Variants in CNTNAP4 observed in about 807,000 individuals in gnomAD.
CNTNAP4 encodes contactin-associated protein-like 4.
CNTNAP4 carries 98 observed loss-of-function variants against 148.4 expected under a neutral mutation model. The observed-to-expected ratio is 0.66, with a 90% CI of 0.56 to 0.78. The LOEUF (loss-of-function observed/expected upper bound fraction) is 0.78. Ranked by LOEUF, CNTNAP4 falls within the 30% of genes least tolerant of loss-of-function variation. The probability of loss-of-function intolerance (pLI) is 0.00; values close to 1 mark genes in which losing one functional copy is unlikely to be tolerated. For missense variants in CNTNAP4, 1,935 were observed against 1,565.6 expected (o/e 1.24, Z -3.98); for synonymous variants, 730 against 565.1 (o/e 1.29, Z -4.14).
chr16:76,404,320 G>C (rs967529147), intron 3 of CNTNAP4, among the ~76,000 whole-genome samples: 2 of 150,552 alleles, frequency 1.3e-5, no homozygotes, highest in African/African-American at 4.9e-5. Context: ...AGCATATCAG[G>C]ATCACCGAGA....
intron 8 of CNTNAP4, among the ~76,000 whole-genome samples, chr16:76,460,527 C>T (rs1458721400): frequency 9.5e-5 from 14 of 147,420 alleles, no homozygotes; most frequent in East Asian, 8.3e-4. Flanking sequence ...TTTGGGAAGC[C>T]GAGGCGGGTG....
rs200265967 is a variant in CNTNAP4 at position 76,387,051 on chromosome 16, A to C, written c.390+31540A>C. On this transcript the variant is annotated intron_variant, in intron 3 of 23. Transcript: ENST00000611870. ...AAATGAATTGTCTCATAAAGCCTCC[A>C]AAAAAAGCATGCATCCTGCTGACAT... Among the ~76,000 whole-genome samples, 6 of 20,778 alleles carry C rather than the reference A, an allele frequency of 2.9e-4. No homozygotes were observed. In the East Asian group the frequency reaches 0.071, roughly 247 times the overall value. The allele number at this position is 20,778 out of a possible 152,430, so 13.6% of individuals were successfully genotyped here.
At chr16:76,459,621 A>G (rs143466664) in intron 8 of CNTNAP4, among the ~76,000 whole-genome samples, 131 of 152,380 alleles carry the variant, frequency 8.6e-4, no homozygotes, top group Non-Finnish European at 1.1e-3. Flanking sequence ...GAAATCACAT[A>G]TATCACATAT....
chr16:76,435,512 T>C (rs2079791758), intron 4 of CNTNAP4, among the ~76,000 whole-genome samples: 1 of 152,188 alleles, frequency 6.6e-6, no homozygotes, highest in Non-Finnish European at 1.5e-5. Flanking sequence ...GTGACTGTGG[T>C]TCCCACTGTT....
chr16:76,315,239 C>T (rs1961587214), intron 1 of CNTNAP4, among the ~76,000 whole-genome samples: 1 of 151,750 alleles, frequency 6.6e-6, no homozygotes, highest in East Asian at 2.0e-4. Flanking sequence ...TGCACAAATG[C>T]AAGCTCCTCT....
At chr16:76,377,166 T>C (rs1325207503) in intron 3 of CNTNAP4, among the ~76,000 whole-genome samples, 1 of 152,100 alleles carries the variant, frequency 6.6e-6, no homozygotes, top group Non-Finnish European at 1.5e-5. Flanking sequence ...TTTCATATAT[T>C]GAGACCTTCA....
At chr16:76,414,356 C>T (rs2078906036) in intron 3 of CNTNAP4, among the ~76,000 whole-genome samples, 1 of 151,370 alleles carries the variant, frequency 6.6e-6, no homozygotes, top group Non-Finnish European at 1.5e-5. Flanking sequence ...GCAATTCTTG[C>T]ATTCCTGGAA....
At chr16:76,328,890 C>G (rs758927258) in intron 2 of CNTNAP4, among the ~76,000 whole-genome samples, 2 of 152,172 alleles carry the variant, frequency 1.3e-5, no homozygotes, top group African/African-American at 2.4e-5. Context: ...GGTGATCCAC[C>G]TGCCTCAGCC....
At chr16:76,532,878 G>A (rs1597086312) in intron 17 of CNTNAP4, among the ~76,000 whole-genome samples, 2 of 151,990 alleles carry the variant, frequency 1.3e-5, no homozygotes, top group Admixed American at 6.6e-5. Context: ...TGGTAAGGAA[G>A]AAAAAGAAAA....
intron 3 of CNTNAP4, among the ~76,000 whole-genome samples, chr16:76,408,871 C>T (rs965809614): frequency 2.6e-5 from 4 of 151,940 alleles, no homozygotes; most frequent in Non-Finnish European, 5.9e-5. Context: ...TTACCTCATC[C>T]ACTATCTGCC....
chr16:76,415,118 G>A (rs993029005), intron 3 of CNTNAP4, among the ~76,000 whole-genome samples: 12 of 151,056 alleles, frequency 7.9e-5, no homozygotes, highest in Non-Finnish European at 1.8e-4. Flanking sequence ...CAAATTTTGT[G>A]TATATTCTTT....
chr16:76,491,854 T>TTG lies in CNTNAP4; in HGVS notation c.2080+1987_2080+1988dup, dbSNP rs10577540. Among the ~76,000 whole-genome samples, 967 of 151,662 alleles carry TTG rather than the reference T, an allele frequency of 6.4e-3. 6 individuals are homozygous for TTG. The highest frequency in any genetic ancestry group is 9.9e-3 in the Non-Finnish European group (669 of 67,888). On this transcript the variant is annotated intron_variant, in intron 13 of 23. Transcript: ENST00000611870. ...CTATTTAAGGCTGAATGATATCCCA[T>TTG]TGTGTGTGTGTGTGTGTCACATTTT...
chr16:76,371,442 G>A (rs1256996135), intron 3 of CNTNAP4, among the ~76,000 whole-genome samples: 10 of 151,896 alleles, frequency 6.6e-5, no homozygotes, highest in Admixed American at 2.0e-4. Context: ...CGTGCCTCCC[G>A]CCTGGCTAAT....
At chr16:76,379,991 A>G (rs1292896376) in intron 3 of CNTNAP4, among the ~76,000 whole-genome samples, 1 of 152,164 alleles carries the variant, frequency 6.6e-6, no homozygotes, top group African/African-American at 2.4e-5. Flanking sequence ...TATCTACTTT[A>G]ATGACATTTG....
chr16:76,361,806 C>T (rs2144552303), intron 3 of CNTNAP4, among the ~76,000 whole-genome samples: 1 of 152,292 alleles, frequency 6.6e-6, no homozygotes, highest in South Asian at 2.1e-4. Context: ...GTTCCGATTT[C>T]TCCAATTTCT....
Position 76,366,651 on chromosome 16 carries a change from G to A in CNTNAP4, c.390+11140G>A, listed in dbSNP as rs981753280. Among the ~76,000 whole-genome samples the A allele has an allele frequency of 2.0e-5, 3 of 152,250 alleles. No individual in the cohort carries two copies. The East Asian group carries it at 5.8e-4, about 29-fold the overall frequency. On this transcript the variant is annotated intron_variant, in intron 3 of 23. Coordinates refer to ENST00000611870, the MANE Select transcript of CNTNAP4 (RefSeq NM_033401.5). ...TTCTACTATTCTGGGTATGTACTCA[G>A]TAGTGGGATTGCTGGGTCAAATGGT...
At chr16:76,382,060 C>CAAAAAAAAAAA (rs67028367) in intron 3 of CNTNAP4, among the ~76,000 whole-genome samples, 1 of 53,316 alleles carries the variant, frequency 1.9e-5, no homozygotes, top group Non-Finnish European at 3.3e-5. Context: ...GACTCCGTCT[C>CAAAAAAAAAAA]AAAAAAAAAA....
chr16:76,354,325 T>G (rs1202471844), intron 2 of CNTNAP4, among the ~76,000 whole-genome samples: 1 of 152,228 alleles, frequency 6.6e-6, no homozygotes, highest in Non-Finnish European at 1.5e-5. Flanking sequence ...AGGAGTCACA[T>G]CTACAGTATT....
At chr16:76,526,193 AC>A in intron 17 of CNTNAP4, among the ~76,000 whole-genome samples, 1 of 152,032 alleles carries the variant, frequency 6.6e-6, no homozygotes, top group East Asian at 1.9e-4. Flanking sequence ...AGAAGAGAAA[AC>A]CCTGTGAACA....
Sources: allele counts gnomAD v4.1 joint callset (sites outside exome capture counted in the v4.1 genomes callset), GRCh38; gene constraint gnomAD v4.1.1; transcripts MANE v1.5; gene names NCBI Gene and HGNC (gene_info 2026-07-23, HGNC 2026-07-21).